The following TTC39B variants were observed in gnomAD, a reference collection of about 807,000 sequenced individuals.
TTC39B encodes the protein tetratricopeptide repeat protein 39B.
A neutral mutation model predicts 96.6 loss-of-function variants in TTC39B; 92 were observed. The observed-to-expected ratio is 0.95, with a 90% CI of 0.80 to 1.13. The LOEUF is 1.13. Among genes scored for constraint, TTC39B ranks in the 50% most tolerant of loss-of-function variants. TTC39B has a pLI of 0.00. For synonymous variants in TTC39B, 367 were observed against 299.4 expected, an observed-to-expected ratio of 1.23 and a Z score of -2.33; for missense variants, 955 against 809.3, an observed-to-expected ratio of 1.18 and a Z score of -2.18.
intron 2 of TTC39B, 67 bp from the exon 3 acceptor site, chr9:15,226,079 G>A: frequency 1.5e-6 from 2 of 1,329,164 alleles, no homozygotes; most frequent in Non-Finnish European, 2.1e-6. Context: ...CTACACCAGT[G>A]CAATTACACA....
At chr9:15,227,199 C>T (rs931035992) in intron 2 of TTC39B, among the ~76,000 whole-genome samples, 15 of 151,720 alleles carry the variant, frequency 9.9e-5, no homozygotes, top group African/African-American at 2.9e-4. Flanking sequence ...CCCAGCTACC[C>T]GGGAGGCTGA....
intron 1 of TTC39B, among the ~76,000 whole-genome samples, chr9:15,304,705 G>C (rs567241416): frequency 4.6e-5 from 7 of 151,614 alleles, no homozygotes; most frequent in Non-Finnish European, 8.8e-5. Flanking sequence ...TTTAGAGCTG[G>C]AAGAACACTT....
chr9:15,253,567 T>C (rs1822642101), intron 2 of TTC39B, among the ~76,000 whole-genome samples: 1 of 152,184 alleles, frequency 6.6e-6, no homozygotes, highest in African/African-American at 2.4e-5. Flanking sequence ...AAACACCAAG[T>C]TTTAATCTGT....
chr9:15,165,762 G>A (rs988992397), exon 20 of TTC39B: 1 of 152,152 alleles, frequency 6.6e-6, no homozygotes, highest in African/African-American at 2.4e-5. Flanking sequence ...AATAGCATGG[G>A]GAAAACTGCC....
chr9:15,300,288 A>C (rs1027070175), intron 1 of TTC39B, among the ~76,000 whole-genome samples: 1 of 152,122 alleles, frequency 6.6e-6, no homozygotes, highest in African/African-American at 2.4e-5. Flanking sequence ...CAGCACCCCT[A>C]CCCAGCCACA....
chr9:15,179,097 G>GC (rs1217855333), intron 17 of TTC39B, among the ~76,000 whole-genome samples: 1 of 152,106 alleles, frequency 6.6e-6, no homozygotes, highest in Non-Finnish European at 1.5e-5. Flanking sequence ...GCCTTCTACA[G>GC]CCCAAGACAA....
At chr9:15,292,114 A>C (rs1318988129) in intron 1 of TTC39B, among the ~76,000 whole-genome samples, 1 of 152,228 alleles carries the variant, frequency 6.6e-6, no homozygotes, top group Non-Finnish European at 1.5e-5. Flanking sequence ...TACAGACAGG[A>C]AAGAATCATA....
intron 2 of TTC39B, among the ~76,000 whole-genome samples, chr9:15,241,769 G>C (rs1466205012): frequency 7.1e-6 from 1 of 139,920 alleles, no homozygotes; most frequent in Non-Finnish European, 1.5e-5. Flanking sequence ...TTGAGACAGA[G>C]TCTAGTTCTG....
chr9:15,203,633 A>C (rs1332455256), intron 7 of TTC39B, among the ~76,000 whole-genome samples, 190 bp downstream of exon 7: 3 of 152,084 alleles, frequency 2.0e-5, no homozygotes, highest in African/African-American at 7.2e-5. Flanking sequence ...ATAGATTCTT[A>C]AGTGCAGTAG....
At chr9:15,205,826 G>C (rs71513216) in intron 6 of TTC39B, among the ~76,000 whole-genome samples, 7,627 of 152,198 alleles carry the variant, frequency 0.05, 256 homozygotes, top group Non-Finnish European at 0.078. Flanking sequence ...TGGCAGCGGT[G>C]GGGGAGCCGG....
intron 18 of TTC39B, among the ~76,000 whole-genome samples, chr9:15,176,726 T>C (rs1298849588): frequency 6.6e-6 from 1 of 152,182 alleles, no homozygotes; most frequent in Non-Finnish European, 1.5e-5. Context: ...CAAATAGAGC[T>C]GAGGAGTGTG....
At chr9:15,211,547 T>A in intron 4 of TTC39B, 150 bp from the exon 5 acceptor site, 1 of 679,892 alleles carries the variant, frequency 1.5e-6, no homozygotes, top group South Asian at 6.0e-5. Flanking sequence ...AAGTAACCTC[T>A]TAAAAACTCA....
chr9:15,268,422 C>G (rs776215079), intron 1 of TTC39B, among the ~76,000 whole-genome samples: 1 of 152,142 alleles, frequency 6.6e-6, no homozygotes, highest in Non-Finnish European at 1.5e-5. Context: ...CTCTGTGCCA[C>G]ACAGGATAGC....
chr9:15,197,591 A>G (rs1403411614), intron 8 of TTC39B, among the ~76,000 whole-genome samples: 1 of 152,210 alleles, frequency 6.6e-6, no homozygotes, highest in Admixed American at 6.5e-5. Context: ...AATGAAGGGA[A>G]AAAAGTAGGA....
intron 2 of TTC39B, among the ~76,000 whole-genome samples, chr9:15,236,142 G>A (rs1821769508): frequency 6.6e-6 from 1 of 152,140 alleles, no homozygotes; most frequent in African/African-American, 2.4e-5. Flanking sequence ...AATGAGAATG[G>A]AAAACAAAAG....
chr9:15,270,908 A>G (rs1452784680), intron 1 of TTC39B, among the ~76,000 whole-genome samples: 1 of 152,226 alleles, frequency 6.6e-6, no homozygotes, highest in Non-Finnish European at 1.5e-5. Flanking sequence ...GGTGAAGAGA[A>G]GAACTAAGAT....
chr9:15,170,551 T>C (rs1003720384), exon 20 of TTC39B: 1 of 152,118 alleles, frequency 6.6e-6, no homozygotes, highest in Non-Finnish European at 1.5e-5. Flanking sequence ...AAGTACCAAA[T>C]ACCACACCGC....
intron 2 of TTC39B, among the ~76,000 whole-genome samples, chr9:15,242,143 G>C (rs537898714): frequency 6.6e-6 from 1 of 152,268 alleles, no homozygotes; most frequent in East Asian, 1.9e-4. Context: ...GTGTCTTGCA[G>C]GTAATGATCT....
chr9:15,245,049 A>G (rs1460190502), intron 2 of TTC39B, among the ~76,000 whole-genome samples: 1 of 152,202 alleles, frequency 6.6e-6, no homozygotes, highest in Non-Finnish European at 1.5e-5. Context: ...TTATTGGTCT[A>G]CTTTTCAATT....
Sources: allele counts gnomAD v4.1 joint callset (sites outside exome capture counted in the v4.1 genomes callset), GRCh38; gene constraint gnomAD v4.1.1; transcripts MANE v1.5; gene names NCBI Gene and HGNC (gene_info 2026-07-23, HGNC 2026-07-21).